The following NTRK3 variants were observed in gnomAD, a reference collection of about 807,000 sequenced individuals.
NTRK3 encodes the protein neurotrophic receptor tyrosine kinase 3.
Under a neutral mutation model 91.7 loss-of-function variants are expected in NTRK3, and 24 were observed. The observed-to-expected ratio is 0.26, with a 90% CI of 0.19 to 0.37. NTRK3 has a LOEUF of 0.37. NTRK3 is among the 10% of genes least tolerant of loss of function. The pLI is 1.00. For synonymous variants in NTRK3, 483 were observed against 404.0 expected, an observed-to-expected ratio of 1.20 and a Z score of -2.34; for missense variants, 880 against 1,068.9, an observed-to-expected ratio of 0.82 and a Z score of 2.46.
intron 5 of NTRK3, among the ~76,000 whole-genome samples, chr15:88,173,893 C>T (rs1393989210): frequency 6.6e-6 from 1 of 152,348 alleles, no homozygotes; most frequent in Middle Eastern, 3.4e-3. Flanking sequence ...GCAAGTCACT[C>T]AACCTCTCTG....
intron 3 of NTRK3, among the ~76,000 whole-genome samples, chr15:88,217,226 T>C (rs2049861594): frequency 6.6e-6 from 1 of 152,188 alleles, no homozygotes; most frequent in African/African-American, 2.4e-5. Context: ...AGAATTGCCA[T>C]GTAGTCCAAC....
chr15:87,925,576 G>A (rs1428309824), intron 17 of NTRK3: 15 of 212,630 alleles, frequency 7.1e-5, no homozygotes, highest in African/African-American at 9.1e-5. Context: ...AAACCTGTCC[G>A]GGGGTATCAG....
At chr15:88,080,502 G>A (rs1003828279) in intron 13 of NTRK3, among the ~76,000 whole-genome samples, 4 of 152,150 alleles carry the variant, frequency 2.6e-5, no homozygotes, top group Admixed American at 2.6e-4. Context: ...TCTAATTCTG[G>A]GAATTGCCTG....
chr15:88,059,385 A>G (rs1249918836), intron 13 of NTRK3, among the ~76,000 whole-genome samples: 1 of 152,212 alleles, frequency 6.6e-6, no homozygotes, highest in Non-Finnish European at 1.5e-5. Flanking sequence ...TAAGCAGTAC[A>G]CACATCCTAC....
chr15:87,980,425 CTGTA>C (rs1336751158), intron 14 of NTRK3, among the ~76,000 whole-genome samples: 1 of 151,832 alleles, frequency 6.6e-6, no homozygotes, highest in African/African-American at 2.4e-5. Flanking sequence ...TTGTGTGCAT[CTGTA>C]TGTTTGTGTT....
At chr15:88,077,380 C>T (rs909475179) in intron 13 of NTRK3, among the ~76,000 whole-genome samples, 5 of 152,084 alleles carry the variant, frequency 3.3e-5, no homozygotes, top group Non-Finnish European at 7.3e-5. Context: ...TCTCAAAAAC[C>T]CTTACGTAGC....
chr15:88,074,129 G>T (rs1476120639), intron 13 of NTRK3, among the ~76,000 whole-genome samples: 2 of 152,172 alleles, frequency 1.3e-5, no homozygotes, highest in African/African-American at 4.8e-5. Flanking sequence ...TACACCATTG[G>T]GTTTAGTTCT....
chr15:87,930,215 C>A (rs8039401), intron 16 of NTRK3, among the ~76,000 whole-genome samples: 62,192 of 151,934 alleles, frequency 0.41, 12,876 homozygotes, highest in South Asian at 0.53. Context: ...GTCTGGGGTA[C>A]CCCCAGAACC....
chr15:87,925,575 C>T (rs139925124), intron 17 of NTRK3: 109 of 212,556 alleles, frequency 5.1e-4, no homozygotes, highest in Non-Finnish European at 8.4e-4. Context: ...CAAACCTGTC[C>T]GGGGGTATCA....
rs574065985 is a variant in NTRK3, at chr15:88,191,946, G to A, written c.249-7647C>T. Among the ~76,000 whole-genome samples, 7 of 152,344 alleles carry A rather than the reference G, an allele frequency of 4.6e-5. No individual in the cohort carries two copies. In the East Asian group the frequency reaches 5.8e-4, roughly 13 times the overall value. ...GCCCCAGGCAGCCAGGGGTTGGGAC[G>A]GCTTGTGCCGGTGACCCCAGCATGC... is the stretch of plus-strand genomic sequence containing the variant. On this transcript the variant is annotated intron_variant, in intron 3 of 18. Transcript: ENST00000394480.
At chr15:87,977,534 A>G (rs1327831625) in intron 14 of NTRK3, 3 of 228,996 alleles carry the variant, frequency 1.3e-5, no homozygotes, top group African/African-American at 2.2e-5. Flanking sequence ...ATGATTTACA[A>G]TAATTAAAAA....
Position 87,997,368 on chromosome 15 carries a change from T to C in NTRK3, c.1585+35489A>G, listed in dbSNP as rs144167199. On this transcript the variant is annotated intron_variant, in intron 14 of 18. Transcript: ENST00000394480. ...GCATCAATGAGACATTTGCTATGCATTCTCTGTGGTAGAGTCTCCTCCTTC... is the reference window on the plus strand; with the variant it reads ...GCATCAATGAGACATTTGCTATGCACTCTCTGTGGTAGAGTCTCCTCCTTC... Among the ~76,000 whole-genome samples, 501 of 152,308 alleles carry C rather than the reference T, an allele frequency of 3.3e-3. 1 individual carries two copies. The highest frequency in any genetic ancestry group is 0.011 in the African/African-American group (453 of 41,578).
intron 14 of NTRK3, among the ~76,000 whole-genome samples, chr15:87,962,150 C>CT (rs1445534604): frequency 5.3e-5 from 8 of 152,194 alleles, no homozygotes; most frequent in African/African-American, 1.4e-4. Context: ...CCACACCCAG[C>CT]TTTTTTCTCC....
At chr15:87,875,984 C>A (rs2064936679) in exon 19 of NTRK3, 2 of 232,434 alleles carry the variant, frequency 8.6e-6, no homozygotes, top group Non-Finnish European at 8.5e-6. Flanking sequence ...ACCCCCTAAG[C>A]TTCCCAGGGG....
intron 17 of NTRK3, among the ~76,000 whole-genome samples, chr15:87,894,056 T>C (rs2065980485): frequency 6.6e-6 from 1 of 152,262 alleles, no homozygotes. Flanking sequence ...TTTTTATTTA[T>C]TAAAATTTAA....
At chr15:88,184,405 C>T in intron 3 of NTRK3, 106 bp from the exon 4 acceptor site, 2 of 1,102,860 alleles carry the variant, frequency 1.8e-6, no homozygotes, top group Non-Finnish European at 2.7e-6. Flanking sequence ...TAATTGATTG[C>T]CAGGCCTTTT....
At chr15:88,052,214 C>G (rs1467745825) in intron 13 of NTRK3, among the ~76,000 whole-genome samples, 1 of 152,156 alleles carries the variant, frequency 6.6e-6, no homozygotes, top group Non-Finnish European at 1.5e-5. Context: ...AAGAATAGGA[C>G]AGGAGGTAGC....
At chr15:87,923,982 A>G (rs2068086774) in intron 17 of NTRK3, among the ~76,000 whole-genome samples, 1 of 152,200 alleles carries the variant, frequency 6.6e-6, no homozygotes, top group Admixed American at 6.5e-5. Context: ...ACCATAAGAA[A>G]TAAATCTCTT....
chr15:88,242,142 C>T (rs970211670), intron 3 of NTRK3, among the ~76,000 whole-genome samples: 13 of 152,220 alleles, frequency 8.5e-5, no homozygotes, highest in African/African-American at 1.9e-4. Flanking sequence ...GTCTCACTTC[C>T]GCTCTCCCTC....
Sources: gnomAD v4.1 joint callset for allele counts (sites outside exome capture counted in the v4.1 genomes callset) on GRCh38, gnomAD v4.1.1 for gene constraint, MANE v1.5 for transcripts, NCBI Gene and HGNC (gene_info 2026-07-23, HGNC 2026-07-21) for gene names.